The following WDR72 variants were observed in gnomAD, a reference collection of about 807,000 sequenced individuals.
WDR72 encodes the protein WD repeat-containing protein 72.
A neutral mutation model predicts 124.2 loss-of-function variants in WDR72; 120 were observed. The ratio of observed to expected loss-of-function variants is 0.97; its 90% CI spans 0.83 to 1.12. The LOEUF (loss-of-function observed/expected upper bound fraction) is 1.12. Ranked by LOEUF, WDR72 falls within the 50% of genes most tolerant of loss-of-function variation. WDR72 has a pLI of 0.00. For synonymous variants in WDR72, 452 were observed against 441.7 expected (o/e 1.02, Z -0.29); for missense variants, 1,387 against 1,278.8 (o/e 1.08, Z -1.29).
At chr15:53,702,940 A>T (rs924425655) in intron 11 of WDR72, among the ~76,000 whole-genome samples, 6 of 149,718 alleles carry the variant, frequency 4.0e-5, no homozygotes, top group Non-Finnish European at 8.9e-5. Flanking sequence ...CACTCTGTTG[A>T]CCAGGCTAGA....
chr15:53,733,043 C>T lies in WDR72; in HGVS notation c.107G>A (p.Ser36Asn), dbSNP rs2018247731. Reference sequence around the variant, plus strand: ...CCAGAGACAGAGCTGACCCTCTTGACTTCCAGTCACAATCGTTCGCTGGTC... The same window carrying T: ...CCAGAGACAGAGCTGACCCTCTTGATTTCCAGTCACAATCGTTCGCTGGTC... Reference protein sequence around the residue: ...TDDQRTIVTGSQEGQLCLWNL... With the variant: ...TDDQRTIVTGNQEGQLCLWNL... The change falls in exon 2 of 20, where the codon AGT becomes AAT. Residue 36 changes from serine to asparagine, a missense_variant. Coordinates refer to ENST00000360509, the MANE Select transcript of WDR72 (RefSeq NM_182758.4). 6.2e-7 allele frequency: 1 copy of T among 1,614,114 alleles called. No homozygotes were observed.
intron 13 of WDR72, among the ~76,000 whole-genome samples, chr15:53,697,058 T>C (rs1253422779): frequency 2.0e-5 from 3 of 152,192 alleles, no homozygotes; most frequent in African/African-American, 7.2e-5. Context: ...AAACTATTAA[T>C]ATAGACAACC....
chr15:53,599,613 T>C (rs964281924), intron 17 of WDR72, among the ~76,000 whole-genome samples: 4 of 152,076 alleles, frequency 2.6e-5, no homozygotes, highest in African/African-American at 9.7e-5. Flanking sequence ...GTACAGACTA[T>C]ATTATACCCC....
At chr15:53,743,060 G>A (rs1470027243) in intron 1 of WDR72, among the ~76,000 whole-genome samples, 1 of 152,060 alleles carries the variant, frequency 6.6e-6, no homozygotes, top group Non-Finnish European at 1.5e-5. Context: ...ATGGGCTTCA[G>A]GAAGCTCACA....
Position 53,589,042 on chromosome 15 carries a change from G to A in WDR72, c.3148+8037C>T, listed in dbSNP as rs116330460. 3.7e-3 allele frequency among the ~76,000 whole-genome samples: 555 copies of A among 151,974 alleles called. 2 individuals carry two copies. Among genetic ancestry groups the A allele is most frequent in the African/African-American group, 0.013 (528 of 41,498 alleles). On this transcript the variant is annotated intron_variant, in intron 18 of 19. Transcript: ENST00000360509. ...CAGCGGCTCCTTAGAAACTTCTGTG[G>A]ATAAACTGTAACTGAATAAGGAGTG...
At chr15:53,711,618 T>A in intron 7 of WDR72, 137 bp from the exon 8 acceptor site, 1 of 961,284 alleles carries the variant, frequency 1.0e-6, no homozygotes. Flanking sequence ...CATATTAAGA[T>A]GATATTTTAC....
At chr15:53,540,693 C>T (rs549049541) in intron 18 of WDR72, among the ~76,000 whole-genome samples, 44 of 152,222 alleles carry the variant, frequency 2.9e-4, no homozygotes, top group Admixed American at 2.8e-3. Context: ...GCGTGAGCGA[C>T]GCAGAAGACG....
At chr15:53,658,507 T>G (rs2015504782) in intron 14 of WDR72, among the ~76,000 whole-genome samples, 1 of 152,132 alleles carries the variant, frequency 6.6e-6, no homozygotes, top group Non-Finnish European at 1.5e-5. Flanking sequence ...TCTGTGGGTG[T>G]TGCTATGGGC....
At chr15:53,634,432 G>A (rs1024667224) in intron 14 of WDR72, among the ~76,000 whole-genome samples, 2 of 152,132 alleles carry the variant, frequency 1.3e-5, no homozygotes, top group African/African-American at 4.8e-5. Flanking sequence ...GATCACATTG[G>A]AAGAAAAATA....
intron 1 of WDR72, among the ~76,000 whole-genome samples, chr15:53,741,131 G>T (rs2018497782): frequency 6.6e-6 from 1 of 152,086 alleles, no homozygotes; most frequent in African/African-American, 2.4e-5. Flanking sequence ...ATAATTGCAG[G>T]GCCCAGAGCA....
At chr15:53,562,981 G>A (rs1274290295) in intron 18 of WDR72, among the ~76,000 whole-genome samples, 1 of 151,712 alleles carries the variant, frequency 6.6e-6, no homozygotes, top group Non-Finnish European at 1.5e-5. Flanking sequence ...TTTGCTTGAG[G>A]TTATAAACTG....
intron 18 of WDR72, among the ~76,000 whole-genome samples, chr15:53,540,687 G>A (rs1449224883): frequency 1.3e-5 from 2 of 152,160 alleles, no homozygotes; most frequent in African/African-American, 4.8e-5. Flanking sequence ...CTCCCAGCGT[G>A]AGCGACGCAG....
At chr15:53,729,602 C>G (rs2018141604) in intron 2 of WDR72, among the ~76,000 whole-genome samples, 1 of 152,066 alleles carries the variant, frequency 6.6e-6, no homozygotes, top group African/African-American at 2.4e-5. Flanking sequence ...TGCTCCAGGT[C>G]TACTCAACTA....
At chr15:53,676,476 G>A (rs1020148143) in intron 13 of WDR72, among the ~76,000 whole-genome samples, 1 of 152,218 alleles carries the variant, frequency 6.6e-6, no homozygotes, top group African/African-American at 2.4e-5. Flanking sequence ...GGAAGTATTT[G>A]ATGTGCCATT....
At position 53,540,055 on chromosome 15, in the gene WDR72, C is replaced by T. The variant is rs558192289; in HGVS notation, c.3149-16733G>A. Among the ~76,000 whole-genome samples, 4 of 152,134 alleles carry T rather than the reference C, an allele frequency of 2.6e-5. No individual in the cohort carries two copies. The South Asian group carries it at 8.3e-4, about 32-fold the overall frequency. On this transcript the variant is annotated intron_variant, in intron 18 of 19. Transcript: ENST00000360509. ...ACACAGAGAAGAGTATTTCGTAATA[C>T]TAAAGACTGCAATTCACAATGGAGG...
At chr15:53,627,387 A>G (rs2014253586) in intron 14 of WDR72, among the ~76,000 whole-genome samples, 1 of 152,210 alleles carries the variant, frequency 6.6e-6, no homozygotes, top group African/African-American at 2.4e-5. Context: ...TTATAACATA[A>G]AGACCTAGCC....
intron 17 of WDR72, among the ~76,000 whole-genome samples, chr15:53,608,492 C>G (rs1456759279): frequency 1.3e-5 from 2 of 152,074 alleles, no homozygotes; most frequent in Non-Finnish European, 2.9e-5. Flanking sequence ...AGATGGCACA[C>G]ACTTGTAATC....
intron 1 of WDR72, among the ~76,000 whole-genome samples, chr15:53,736,490 G>A (rs1252220757): frequency 1.3e-5 from 2 of 152,216 alleles, no homozygotes; most frequent in East Asian, 3.9e-4. Context: ...CCTAACAGGG[G>A]TGAGGACAGT....
intron 18 of WDR72, among the ~76,000 whole-genome samples, chr15:53,583,106 T>C (rs756677196): frequency 1.3e-5 from 2 of 151,900 alleles, no homozygotes; most frequent in Non-Finnish European, 2.9e-5. Context: ...GATTGGCAAA[T>C]AGGATGGGGC....
Sources: gnomAD v4.1 joint callset for allele counts (sites outside exome capture counted in the v4.1 genomes callset) on GRCh38, gnomAD v4.1.1 for gene constraint, MANE v1.5 for transcripts, NCBI Gene and HGNC (gene_info 2026-07-23, HGNC 2026-07-21) for gene names.